The following FILIP1L variants were observed in gnomAD, a reference collection of about 807,000 sequenced individuals.
FILIP1L encodes the protein filamin A-interacting protein 1-like.
Under a neutral mutation model 96.6 loss-of-function variants are expected in FILIP1L, and 55 were observed. The observed-to-expected ratio is 0.57, with a 90% CI of 0.46 to 0.71. The LOEUF (loss-of-function observed/expected upper bound fraction) is 0.71. FILIP1L is among the 30% of genes least tolerant of loss of function. FILIP1L has a pLI of 0.00. For missense variants in FILIP1L, 1,304 were observed against 1,321.2 expected, an observed-to-expected ratio of 0.99 and a Z score of 0.20; for synonymous variants, 467 against 473.9, an observed-to-expected ratio of 0.99 and a Z score of 0.19.
At chr3:99,881,506 G>T (rs1705726150) in intron 4 of FILIP1L, among the ~76,000 whole-genome samples, 1 of 151,386 alleles carries the variant, frequency 6.6e-6, no homozygotes, top group South Asian at 2.1e-4. Context: ...AAGGGACCTT[G>T]TCATATAATT....
chr3:99,862,016 G>C (rs1944285580), intron 4 of FILIP1L, among the ~76,000 whole-genome samples: 1 of 152,086 alleles, frequency 6.6e-6, no homozygotes, highest in Admixed American at 6.5e-5. Context: ...CATAGTGCCT[G>C]GCACAATACA....
rs532225235 is a variant in FILIP1L at position 99,850,886 on chromosome 3, T to A, written c.790A>T (p.Thr264Ser). The change falls in exon 5 of 6, where the codon ACC becomes TCC. Residue 264 changes from threonine to serine, a missense_variant. By Grantham distance (58) the Thr-to-Ser change is moderately conservative. Coordinates refer to ENST00000477258, the MANE Select transcript of FILIP1L (RefSeq NM_001387850.1). ...TLQRQKIQEL[T>S]TNAKETHTKL... Reference sequence around the variant, plus strand: ...GTATGTGTTTCCTTTGCATTTGTGGTCAGCTCTTGGATTTTCTGTCTTTGA... The same window carrying A: ...GTATGTGTTTCCTTTGCATTTGTGGACAGCTCTTGGATTTTCTGTCTTTGA... The A allele has an allele frequency of 6.2e-7, 1 of 1,614,206 alleles. No homozygotes were observed. The highest frequency in any genetic ancestry group is 2.2e-5 in the East Asian group (1 of 44,882).
chr3:99,994,932 G>T (rs545158112), intron 1 of FILIP1L, among the ~76,000 whole-genome samples: 1 of 152,236 alleles, frequency 6.6e-6, no homozygotes, highest in East Asian at 1.9e-4. Context: ...AATTATGGGA[G>T]TACAATTCAA....
chr3:99,874,565 A>G (rs1705407155), intron 4 of FILIP1L: 1 of 152,178 alleles, frequency 6.6e-6, no homozygotes, highest in African/African-American at 2.4e-5. Flanking sequence ...TCCTCAGGCC[A>G]AATAACATAT....
chr3:100,075,167 G>A (rs529990491), intron 1 of FILIP1L, among the ~76,000 whole-genome samples: 8 of 152,284 alleles, frequency 5.3e-5, no homozygotes, highest in African/African-American at 1.2e-4. Context: ...GATAGAGATC[G>A]TCAAAACCAG....
intron 4 of FILIP1L, among the ~76,000 whole-genome samples, chr3:99,888,178 A>T (rs1705970523): frequency 1.3e-5 from 2 of 152,194 alleles, no homozygotes; most frequent in African/African-American, 4.8e-5. Flanking sequence ...GTAATTAAAT[A>T]GGAGACTTTA....
intron 1 of FILIP1L, among the ~76,000 whole-genome samples, chr3:99,969,695 A>G (rs1708758239): frequency 6.6e-6 from 1 of 152,186 alleles, no homozygotes; most frequent in African/African-American, 2.4e-5. Context: ...TCATCTTCAC[A>G]TAATGGATAG....
At chr3:99,959,480 C>G (rs1158034065) in intron 1 of FILIP1L, among the ~76,000 whole-genome samples, 2 of 152,038 alleles carry the variant, frequency 1.3e-5, no homozygotes, top group African/African-American at 4.8e-5. Context: ...ATTTTATTTT[C>G]TATATAAATA....
chr3:100,039,535 C>T (rs936357363), intron 1 of FILIP1L, among the ~76,000 whole-genome samples: 6 of 151,906 alleles, frequency 3.9e-5, no homozygotes, highest in South Asian at 2.1e-4. Flanking sequence ...TTATAATATG[C>T]GGGATACCAG....
At chr3:99,977,228 C>T (rs1708998809) in intron 1 of FILIP1L, among the ~76,000 whole-genome samples, 1 of 152,068 alleles carries the variant, frequency 6.6e-6, no homozygotes, top group Non-Finnish European at 1.5e-5. Context: ...CAAAGAAAGG[C>T]TATATCACAG....
At chr3:100,071,555 G>A (rs1472963785) in intron 1 of FILIP1L, among the ~76,000 whole-genome samples, 3 of 152,136 alleles carry the variant, frequency 2.0e-5, no homozygotes, top group African/African-American at 7.2e-5. Flanking sequence ...AAGGGTGTGG[G>A]TCTTCTGTCC....
chr3:99,916,437 T>TACACACACACACACACACACAC (rs10529210), intron 4 of FILIP1L, among the ~76,000 whole-genome samples: 1 of 137,068 alleles, frequency 7.3e-6, no homozygotes, highest in African/African-American at 2.8e-5. Context: ...TAACGGTTTA[T>TACACACACACACACACACACAC]ACACACACAC....
chr3:100,038,061 T>C (rs1360583628), intron 1 of FILIP1L, among the ~76,000 whole-genome samples: 3 of 151,614 alleles, frequency 2.0e-5, no homozygotes, highest in African/African-American at 7.3e-5. Context: ...TTCAAGCAAT[T>C]CTCCTTGCCT....
intron 4 of FILIP1L, among the ~76,000 whole-genome samples, chr3:99,919,379 G>A (rs890247919): frequency 2.0e-5 from 3 of 149,706 alleles, no homozygotes; most frequent in Non-Finnish European, 3.0e-5. Context: ...ATTCAGGATT[G>A]TATAGGTGAG....
At chr3:99,946,588 C>T (rs151238551) in intron 1 of FILIP1L, among the ~76,000 whole-genome samples, 1,708 of 152,276 alleles carry the variant, frequency 0.011, 17 homozygotes, top group African/African-American at 0.025. Context: ...CTGAAAAAAG[C>T]AAATGATGCC....
chr3:99,859,782 C>A (rs556075050), intron 4 of FILIP1L, among the ~76,000 whole-genome samples: 2 of 147,232 alleles, frequency 1.4e-5, no homozygotes, highest in East Asian at 4.0e-4. Context: ...ATTTTGGTAT[C>A]AGGCCTATAA....
intron 4 of FILIP1L, among the ~76,000 whole-genome samples, chr3:99,853,619 G>T (rs187648104): frequency 6.6e-6 from 1 of 152,182 alleles, no homozygotes; most frequent in Non-Finnish European, 1.5e-5. Context: ...GGCATGTTGC[G>T]TATTTTTCAG....
intron 1 of FILIP1L, among the ~76,000 whole-genome samples, chr3:99,949,082 A>T (rs900244791): frequency 6.6e-6 from 1 of 152,174 alleles, no homozygotes; most frequent in African/African-American, 2.4e-5. Context: ...TTGGTGAGTA[A>T]ATTCCAAAAA....
chr3:99,852,665 C>T (rs1250588805), intron 4 of FILIP1L, among the ~76,000 whole-genome samples: 2 of 152,008 alleles, frequency 1.3e-5, no homozygotes, highest in African/African-American at 2.4e-5. Flanking sequence ...AGGATGGTCT[C>T]GATCTCCTGA....
Sources: allele counts gnomAD v4.1 joint callset (sites outside exome capture counted in the v4.1 genomes callset), GRCh38; gene constraint gnomAD v4.1.1; transcripts MANE v1.5; gene names NCBI Gene and HGNC (gene_info 2026-07-23, HGNC 2026-07-21).